Variants in ADAMTSL1 observed in about 807,000 individuals in gnomAD.
ADAMTSL1 encodes the protein ADAMTS-like protein 1.
A neutral mutation model predicts 201.8 loss-of-function variants in ADAMTSL1; 126 were observed. The ratio of observed to expected loss-of-function variants is 0.62; its 90% CI spans 0.54 to 0.72. The LOEUF is 0.72. Among genes scored for constraint, ADAMTSL1 ranks in the 30% least tolerant of loss-of-function variants. ADAMTSL1 has a pLI of 0.00. For missense variants in ADAMTSL1, 2,679 were observed against 2,277.8 expected (o/e 1.18, Z -3.59); for synonymous variants, 1,121 against 903.4 (o/e 1.24, Z -4.32).
At chr9:18,291,529 G>A (rs1277051813) in intron 2 of ADAMTSL1, among the ~76,000 whole-genome samples, 2 of 152,024 alleles carry the variant, frequency 1.3e-5, no homozygotes, top group Admixed American at 6.6e-5. Context: ...TAGCCCCAAG[G>A]TGATTGAACC....
At chr9:17,942,759 C>T (rs1827292925) in intron 1 of ADAMTSL1, among the ~76,000 whole-genome samples, 1 of 152,288 alleles carries the variant, frequency 6.6e-6, no homozygotes, top group Admixed American at 6.5e-5. Context: ...GGTCTATTAC[C>T]TGCTTTTCTG....
At chr9:18,039,797 T>C (rs371391448) in intron 1 of ADAMTSL1, among the ~76,000 whole-genome samples, 8 of 152,204 alleles carry the variant, frequency 5.3e-5, no homozygotes, top group Admixed American at 4.6e-4. Context: ...TACTCATTTT[T>C]AAAAATTATT....
intron 5 of ADAMTSL1, among the ~76,000 whole-genome samples, chr9:18,627,708 A>T (rs1217714900): frequency 6.6e-6 from 1 of 152,214 alleles, no homozygotes; most frequent in Admixed American, 6.5e-5. Flanking sequence ...TTGTGATTAC[A>T]TTGAGTCCAC....
intron 23 of ADAMTSL1, among the ~76,000 whole-genome samples, chr9:18,849,120 AC>A (rs1345784187): frequency 2.0e-5 from 3 of 152,316 alleles, no homozygotes; most frequent in Admixed American, 6.5e-5. Flanking sequence ...CATATTTCTT[AC>A]GTCTGTCATG....
chr9:18,344,265 C>T (rs896498873), intron 2 of ADAMTSL1, among the ~76,000 whole-genome samples: 1 of 151,928 alleles, frequency 6.6e-6, no homozygotes, highest in Admixed American at 6.6e-5. Context: ...TCTTCAGATT[C>T]TCAAAGGAGT....
chr9:18,752,824 G>T (rs1819540394), intron 15 of ADAMTSL1, among the ~76,000 whole-genome samples: 1 of 152,186 alleles, frequency 6.6e-6, no homozygotes, highest in East Asian at 1.9e-4. Context: ...TTTAAAGGAA[G>T]CTGGAGCCAA....
intron 1 of ADAMTSL1, among the ~76,000 whole-genome samples, chr9:18,492,239 A>T (rs1822304348): frequency 6.6e-6 from 1 of 152,188 alleles, no homozygotes; most frequent in Admixed American, 6.5e-5. Flanking sequence ...AAAAAACATC[A>T]TTCCTTAACA....
chr9:18,303,048 T>C (rs1232008764), intron 2 of ADAMTSL1, among the ~76,000 whole-genome samples: 10 of 152,310 alleles, frequency 6.6e-5, no homozygotes, highest in Admixed American at 6.5e-4. Flanking sequence ...TCTTTTAGCA[T>C]TTATCAAGTA....
intron 23 of ADAMTSL1, among the ~76,000 whole-genome samples, chr9:18,866,116 CAAA>C (rs76778655): frequency 2.5e-5 from 2 of 78,570 alleles, no homozygotes; most frequent in East Asian, 3.9e-4. Flanking sequence ...CTTCAAAAAC[CAAA>C]AAAAAAAAAA....
At position 18,887,964 on chromosome 9, in the gene ADAMTSL1, T is replaced by C. The variant is rs1264548748; in HGVS notation, c.4383T>C (p.Gly1461=). 1 of 1,613,998 alleles carries C rather than the reference T, an allele frequency of 6.2e-7. No individual in the cohort carries two copies. Among genetic ancestry groups the C allele is most frequent in the African/African-American group, 1.3e-5 (1 of 75,048 alleles). ...GQILQVANLS[G]GSQGEFSCLA... ...TCCTTCAAGTTGCAAACCTTAGCGG[T>C]GGGTCTCAAGGGGAATTCAGCTGCC... Residue 1461 remains glycine (G), a synonymous_variant, in exon 24 of 29, where the codon GGT becomes GGC. Transcript: ENST00000380548.
At chr9:18,452,347 C>A (rs558081176) in intron 2 of ADAMTSL1, among the ~76,000 whole-genome samples, 63 of 152,220 alleles carry the variant, frequency 4.1e-4, no homozygotes, top group Non-Finnish European at 7.3e-4. Flanking sequence ...AACACTTGCA[C>A]TGGGGCTGAC....
In ADAMTSL1 at chr9:18,829,984, C is replaced by G; in HGVS notation, c.4249+7C>G. ...GGGAATTCTGCTCTCCTTGGTGAGT[C>G]TAACCCTCGGAAACATTGGGCAGAA... On this transcript the variant is annotated splice_region_variant and intron_variant, in intron 23 of 28. Transcript: ENST00000380548. The G allele has an allele frequency of 6.2e-7, 1 of 1,602,864 alleles. No individual in the cohort carries two copies. The highest frequency in any genetic ancestry group is 1.1e-5 in the South Asian group (1 of 89,140).
At chr9:18,624,392 A>T (rs1281966920) in intron 5 of ADAMTSL1, among the ~76,000 whole-genome samples, 1 of 152,226 alleles carries the variant, frequency 6.6e-6, no homozygotes, top group Non-Finnish European at 1.5e-5. Context: ...GATGTTAGAA[A>T]AGAGTTACAT....
intron 9 of ADAMTSL1, among the ~76,000 whole-genome samples, chr9:18,664,489 C>G (rs1829309015): frequency 6.6e-6 from 1 of 151,938 alleles, no homozygotes; most frequent in Non-Finnish European, 1.5e-5. Context: ...AAGGGAAAAC[C>G]AACGTTCTTG....
At chr9:18,404,511 G>A (rs1273459541) in intron 2 of ADAMTSL1, among the ~76,000 whole-genome samples, 1 of 152,216 alleles carries the variant, frequency 6.6e-6, no homozygotes, top group Non-Finnish European at 1.5e-5. Flanking sequence ...AGCCTCTGAG[G>A]TGGTGCCCTG....
intron 2 of ADAMTSL1, among the ~76,000 whole-genome samples, chr9:18,291,568 T>G (rs1461332869): frequency 6.6e-6 from 1 of 152,166 alleles, no homozygotes; most frequent in Non-Finnish European, 1.5e-5. Flanking sequence ...TTGCCTTATG[T>G]AGACTCCCTT....
intron 1 of ADAMTSL1, among the ~76,000 whole-genome samples, chr9:17,999,670 C>T (rs2383060): frequency 0.53 from 79,133 of 148,340 alleles, 23,738 homozygotes; most frequent in African/African-American, 0.83. Flanking sequence ...TAGTTACATA[C>T]GTATACATGT....
chr9:18,295,138 G>T (rs747777631), intron 2 of ADAMTSL1, among the ~76,000 whole-genome samples: 1 of 151,950 alleles, frequency 6.6e-6, no homozygotes, highest in Non-Finnish European at 1.5e-5. Flanking sequence ...ATATAACATG[G>T]TCACTATAGA....
chr9:18,689,840 C>T (rs1039168554), intron 13 of ADAMTSL1, among the ~76,000 whole-genome samples: 2 of 152,168 alleles, frequency 1.3e-5, no homozygotes, highest in Non-Finnish European at 2.9e-5. Flanking sequence ...TTGGGTAGTC[C>T]TTGTGCCTTG....
Sources: gnomAD v4.1 joint callset for allele counts (sites outside exome capture counted in the v4.1 genomes callset) on GRCh38, gnomAD v4.1.1 for gene constraint, MANE v1.5 for transcripts, NCBI Gene and HGNC (gene_info 2026-07-23, HGNC 2026-07-21) for gene names.